Variants in GRAMD2B observed in about 807,000 individuals in gnomAD.
GRAMD2B encodes the protein GRAM domain containing 2B.
A neutral mutation model predicts 59.2 loss-of-function variants in GRAMD2B; 41 were observed. The observed-to-expected ratio is 0.69, with a 90% confidence interval of 0.54 to 0.90. GRAMD2B has a LOEUF of 0.90. GRAMD2B is among the 40% of genes least tolerant of loss of function. The pLI, the probability that GRAMD2B is intolerant of heterozygous loss-of-function variation, is 0.00. For missense variants in GRAMD2B, 424 were observed against 500.5 expected (o/e 0.85, Z 1.46); for synonymous variants, 161 against 182.7 (o/e 0.88, Z 0.96).
chr5:126,423,753 C>T lies in GRAMD2B; in HGVS notation c.83+64C>T, dbSNP rs1358876528. The T allele has an allele frequency of 4.7e-6, 7 of 1,496,352 alleles. No homozygotes were observed. In the South Asian group the frequency reaches 7.6e-5, roughly 16 times the overall value. The allele number at this position is 1,496,352 out of a possible 1,614,324, so 92.7% of individuals were successfully genotyped here. On this transcript the variant is annotated intron_variant, in intron 1 of 13. Transcript: ENST00000285689. ...AGGAGCGCAGCCTAAACTTCTCTGC[C>T]CCGGGACGCATTTTGGGTGGATGCG... is the stretch of plus-strand genomic sequence containing the variant.
chr5:126,466,810 G>T (rs1054483919), intron 2 of GRAMD2B, among the ~76,000 whole-genome samples: 2 of 152,088 alleles, frequency 1.3e-5, no homozygotes, highest in African/African-American at 4.8e-5. Flanking sequence ...ACCACTGTTG[G>T]CTGACTACAG....
chr5:126,463,694 A>G (rs1767770900), intron 1 of GRAMD2B, among the ~76,000 whole-genome samples: 1 of 152,212 alleles, frequency 6.6e-6, no homozygotes. Context: ...ATCTACTAGG[A>G]AAAGAGAAAT....
At chr5:126,486,416 G>A (rs1003474064) in intron 11 of GRAMD2B, among the ~76,000 whole-genome samples, 18 of 152,142 alleles carry the variant, frequency 1.2e-4, no homozygotes, top group African/African-American at 3.4e-4. Flanking sequence ...AACTTCTAGC[G>A]TGTAACCAAT....
chr5:126,424,005 C>A (rs1760143915), intron 1 of GRAMD2B, among the ~76,000 whole-genome samples: 1 of 152,192 alleles, frequency 6.6e-6, no homozygotes, highest in Non-Finnish European at 1.5e-5. Context: ...CACAGCCCTT[C>A]GTTTAGAATG....
chr5:126,446,938 T>G (rs973586872), intron 1 of GRAMD2B, among the ~76,000 whole-genome samples: 11 of 152,256 alleles, frequency 7.2e-5, no homozygotes, highest in Admixed American at 2.6e-4. Context: ...TATCTAAGCA[T>G]TACCCTTTAC....
At chr5:126,476,957 G>T (rs1393219383) in intron 5 of GRAMD2B, among the ~76,000 whole-genome samples, 1 of 152,192 alleles carries the variant, frequency 6.6e-6, no homozygotes, top group Non-Finnish European at 1.5e-5. Context: ...GCCTAGAACG[G>T]ATAGCTTACA....
intron 10 of GRAMD2B, 104 bp downstream of exon 10, chr5:126,484,628 T>G: frequency 8.5e-7 from 1 of 1,181,644 alleles, no homozygotes; most frequent in Non-Finnish European, 1.2e-6. Context: ...TCACCCAGGC[T>G]GCTGTAGTGC....
intron 1 of GRAMD2B, among the ~76,000 whole-genome samples, chr5:126,383,714 A>G (rs565299873): frequency 5.3e-5 from 8 of 152,332 alleles, no homozygotes; most frequent in African/African-American, 1.4e-4. Flanking sequence ...GCATTATCCA[A>G]GTTCATGGAC....
intron 1 of GRAMD2B, among the ~76,000 whole-genome samples, chr5:126,418,295 G>A (rs1401036231): frequency 6.6e-6 from 1 of 152,174 alleles, no homozygotes; most frequent in Non-Finnish European, 1.5e-5. Flanking sequence ...AAAACTCTGA[G>A]ATAGATATTA....
chr5:126,384,498 C>T (rs1334649721), intron 1 of GRAMD2B, among the ~76,000 whole-genome samples: 1 of 152,206 alleles, frequency 6.6e-6, no homozygotes, highest in Non-Finnish European at 1.5e-5. Context: ...CTTCAAATAG[C>T]CCCATAAGGG....
chr5:126,388,013 A>G (rs1007392837), intron 1 of GRAMD2B, among the ~76,000 whole-genome samples: 4 of 152,126 alleles, frequency 2.6e-5, no homozygotes, highest in South Asian at 2.1e-4. Flanking sequence ...GAAACCCCCT[A>G]TACTATAAAA....
At chr5:126,438,390 G>C (rs1028193473) in intron 1 of GRAMD2B, among the ~76,000 whole-genome samples, 1 of 152,162 alleles carries the variant, frequency 6.6e-6, no homozygotes, top group African/African-American at 2.4e-5. Flanking sequence ...TTGAACATGA[G>C]TAAGAGAGAG....
intron 1 of GRAMD2B, among the ~76,000 whole-genome samples, chr5:126,407,130 G>A (rs955427107): frequency 1.3e-5 from 2 of 151,984 alleles, no homozygotes; most frequent in African/African-American, 4.8e-5. Flanking sequence ...ATAGGAGTAG[G>A]GAGTACAGTG....
chr5:126,453,029 T>G (rs1296866747), intron 1 of GRAMD2B, among the ~76,000 whole-genome samples: 1 of 152,150 alleles, frequency 6.6e-6, no homozygotes, highest in Non-Finnish European at 1.5e-5. Context: ...CTTAGGTATA[T>G]GAAAAGTGGC....
In GRAMD2B at chr5:126,477,757, C is replaced by T. The variant is rs375006587; in HGVS notation, c.552C>T (p.Asn184=). Residue 184 remains asparagine, a synonymous_variant, in exon 6 of 14, where the codon AAC becomes AAT. Coordinates refer to ENST00000285689, the MANE Select transcript of GRAMD2B (RefSeq NM_023927.4). The part of the protein sequence containing the change: ...KKTKTALLVP[N]ALIIATVTDR... ...CCAAAACTGCTCTTCTAGTGCCAAA[C>T]GCCCTGATCATAGCAACAGTCACAG... 161 of 1,611,376 alleles carry T rather than the reference C, an allele frequency of 1.0e-4. No homozygotes were observed. Among genetic ancestry groups the T allele is most frequent in the East Asian group, 1.3e-4 (6 of 44,884 alleles).
chr5:126,454,489 G>A (rs1196395372), intron 1 of GRAMD2B, among the ~76,000 whole-genome samples: 2 of 152,132 alleles, frequency 1.3e-5, no homozygotes, highest in Non-Finnish European at 2.9e-5. Context: ...AGTTTGAGTT[G>A]GGTTTCTGTC....
intron 1 of GRAMD2B, chr5:126,433,592 A>G (rs571145587): frequency 1.3e-5 from 2 of 152,354 alleles, no homozygotes; most frequent in East Asian, 1.9e-4. Flanking sequence ...CTTTCTCTGT[A>G]TTGTTAAACA....
chr5:126,486,516 A>C (rs1032968638), intron 11 of GRAMD2B, among the ~76,000 whole-genome samples: 3 of 152,176 alleles, frequency 2.0e-5, no homozygotes, highest in Non-Finnish European at 4.4e-5. Context: ...TAAAGGAGGG[A>C]GTCACCAGAG....
chr5:126,371,939 C>A (rs1055011502), intron 1 of GRAMD2B, among the ~76,000 whole-genome samples: 1 of 152,034 alleles, frequency 6.6e-6, no homozygotes, highest in African/African-American at 2.4e-5. Context: ...ATTACATGAA[C>A]TATTATTAAA....
Sources: allele counts gnomAD v4.1 joint callset (sites outside exome capture counted in the v4.1 genomes callset), GRCh38; gene constraint gnomAD v4.1.1; transcripts MANE v1.5; gene names NCBI Gene and HGNC (gene_info 2026-07-23, HGNC 2026-07-21).